Variants in MCF2L observed in about 807,000 individuals in gnomAD.
The protein encoded by MCF2L is MCF.2 cell line derived transforming sequence like, also known as guanine nucleotide exchange factor DBS.
A neutral mutation model predicts 153.4 loss-of-function variants in MCF2L; 97 were observed. That is an observed-to-expected ratio of 0.63 (90% confidence interval 0.54 to 0.75). MCF2L has a LOEUF of 0.75. MCF2L is among the 30% of genes least tolerant of loss of function. The pLI, the probability that MCF2L is intolerant of heterozygous loss-of-function variation, is 0.00. For synonymous variants in MCF2L, 659 were observed against 632.2 expected (o/e 1.04, Z -0.64); for missense variants, 1,347 against 1,495.2 (o/e 0.90, Z 1.64).
chr13:113,017,746 C>T (rs983719640), intron 2 of MCF2L, among the ~76,000 whole-genome samples: 2 of 152,186 alleles, frequency 1.3e-5, no homozygotes, highest in Admixed American at 1.3e-4. Context: ...CACTGACCAC[C>T]ATGGGGCTGG....
At chr13:112,979,426 G>A (rs890412865) in intron 1 of MCF2L, 8 of 1,397,990 alleles carry the variant, frequency 5.7e-6, no homozygotes, top group African/African-American at 1.5e-5. Context: ...GCTCTGGGAG[G>A]CCGGGCACTC....
rs1190261544 is a variant in MCF2L at position 113,053,704 on chromosome 13, G to T, written c.370-6889G>T. ...TGCCACAGGGCTGTGTTTTCAAGGGGAGCAGCAGGTGCCTGGCGTCTGCAT... is the reference window on the plus strand; with the variant it reads ...TGCCACAGGGCTGTGTTTTCAAGGGTAGCAGCAGGTGCCTGGCGTCTGCAT... On this transcript the variant is annotated intron_variant, in intron 4 of 29. Transcript: ENST00000535094. This position sits in a 1 kb window ranked among gnomAD's most constrained non-coding sequence, Gnocchi z 4.4. 6.6e-6 allele frequency among the ~76,000 whole-genome samples: 1 copy of T among 152,182 alleles called. No individual in the cohort carries two copies. Among genetic ancestry groups the T allele is most frequent in the East Asian group, 1.9e-4 (1 of 5,192 alleles).
intron 1 of MCF2L, among the ~76,000 whole-genome samples, chr13:112,978,724 A>G (rs1001714321): frequency 2.0e-4 from 30 of 152,352 alleles, no homozygotes; most frequent in African/African-American, 7.0e-4. Context: ...CAGCTCACAG[A>G]AGGGCACATG....
chr13:113,020,939 G>A (rs1399024490), intron 2 of MCF2L, among the ~76,000 whole-genome samples: 1 of 152,000 alleles, frequency 6.6e-6, no homozygotes, highest in Admixed American at 6.6e-5. Context: ...GTATGCATGT[G>A]CATGTGTAGC....
At chr13:112,982,535 G>A (rs757748969) in intron 1 of MCF2L, among the ~76,000 whole-genome samples, 2 of 152,262 alleles carry the variant, frequency 1.3e-5, no homozygotes, top group African/African-American at 4.8e-5. Context: ...GGGGAGTCTG[G>A]GGGGCCTCCT....
In MCF2L at chr13:112,896,461, C is replaced by CCCCCA. The variant is rs551332804; in HGVS notation, c.-5+2033_-5+2034insCACCC. Among the ~76,000 whole-genome samples the CCCCCA allele has an allele frequency of 4.8e-3, 728 of 152,256 alleles. 4 individuals are homozygous for CCCCCA. Among genetic ancestry groups the CCCCCA allele is most frequent in the East Asian group, 9.6e-3 (50 of 5,184 alleles). The stretch of plus-strand genomic sequence containing the variant: ...CCAGGTCACTTCAGAAGAGAGGCCC[C>CCCCCA]CCCTGTCTTTACAGCCATGTAATTT... On this transcript the variant is annotated intron_variant, in intron 1 of 29. Coordinates refer to the MCF2L transcript ENST00000375608.
chr13:113,083,132 C>T (rs1304717901), intron 17 of MCF2L, among the ~76,000 whole-genome samples: 2 of 152,158 alleles, frequency 1.3e-5, no homozygotes, highest in African/African-American at 4.8e-5. Flanking sequence ...TTGGGGAGCT[C>T]ATGGGAAGGT....
Position 112,951,903 on chromosome 13 carries a change from C to T in MCF2L, c.169+49532C>T, listed in dbSNP as rs1335146128. Among the ~76,000 whole-genome samples the T allele has an allele frequency of 5.9e-5, 9 of 152,200 alleles. No individual in the cohort carries two copies. Among genetic ancestry groups the T allele is most frequent in the Admixed American group, 5.9e-4 (9 of 15,290 alleles). ...AGAAAAATCAGTTCACACCTATTCA[C>T]TCTCTGTCAACAAACCCACATACAC... is the stretch of plus-strand genomic sequence containing the variant. On this transcript the variant is annotated intron_variant, in intron 2 of 29. Coordinates refer to the MCF2L transcript ENST00000375608. This position sits in a 1 kb window ranked among gnomAD's most constrained non-coding sequence, Gnocchi z 4.8.
intron 1 of MCF2L, among the ~76,000 whole-genome samples, chr13:112,899,365 G>A (rs1461715884): frequency 2.0e-5 from 3 of 152,234 alleles, no homozygotes; most frequent in African/African-American, 7.2e-5. Context: ...TCCAAGGGTG[G>A]CGGCGCCTGT....
At chr13:113,065,137 A>G in intron 7 of MCF2L, 52 bp downstream of exon 7, 1 of 1,586,044 alleles carries the variant, frequency 6.3e-7, no homozygotes, top group Non-Finnish European at 8.6e-7. Context: ...GGTCAGTCAG[A>G]AGCTGCGCGG....
intron 1 of MCF2L, among the ~76,000 whole-genome samples, chr13:113,012,166 C>T (rs1430572860): frequency 1.6e-4 from 14 of 85,932 alleles, no homozygotes; most frequent in African/African-American, 1.7e-4. Context: ...GTGATGCGGA[C>T]GGTGGACAGG....
chr13:113,058,393 G>A (rs534291056), intron 4 of MCF2L, among the ~76,000 whole-genome samples: 2 of 149,942 alleles, frequency 1.3e-5, no homozygotes, highest in East Asian at 2.0e-4. Flanking sequence ...TGAGTGTTTT[G>A]GTGCTGAGTA....
chr13:113,019,095 G>A (rs959882468), intron 2 of MCF2L, among the ~76,000 whole-genome samples: 8 of 152,114 alleles, frequency 5.3e-5, no homozygotes, highest in Admixed American at 2.6e-4. Context: ...CCAAGCGCTC[G>A]CTGCACAAGC....
intron 2 of MCF2L, among the ~76,000 whole-genome samples, chr13:112,963,049 G>A (rs1336006040): frequency 1.3e-5 from 2 of 152,208 alleles, no homozygotes; most frequent in Non-Finnish European, 2.9e-5. Flanking sequence ...GCTCTGGGAG[G>A]TGGACGAAGG....
chr13:113,013,194 A>G (rs555816483), intron 1 of MCF2L, among the ~76,000 whole-genome samples: 1 of 152,308 alleles, frequency 6.6e-6, no homozygotes, highest in East Asian at 1.9e-4. Flanking sequence ...AGTGGAAGTC[A>G]CCTTGCCAGG....
chr13:113,030,001 C>G (rs2085547823), intron 3 of MCF2L, among the ~76,000 whole-genome samples: 1 of 152,224 alleles, frequency 6.6e-6, no homozygotes, highest in Non-Finnish European at 1.5e-5. Flanking sequence ...CTAATTTTAA[C>G]TTTCCTTCTG....
intron 15 of MCF2L, among the ~76,000 whole-genome samples, 187 bp downstream of exon 15, chr13:113,078,926 C>T (rs1488632639): frequency 1.3e-5 from 2 of 152,250 alleles, no homozygotes; most frequent in East Asian, 3.9e-4. Flanking sequence ...TCCTGGTCCC[C>T]ACCGCGTGAA....
At chr13:112,997,513 G>T (rs954151446) in intron 1 of MCF2L, among the ~76,000 whole-genome samples, 6 of 152,224 alleles carry the variant, frequency 3.9e-5, no homozygotes, top group African/African-American at 1.4e-4. Context: ...CAGCCACCTG[G>T]TGAGCCGCGC....
At chr13:112,936,951 T>G (rs1315234768) in intron 2 of MCF2L, among the ~76,000 whole-genome samples, 2 of 152,230 alleles carry the variant, frequency 1.3e-5, no homozygotes, top group East Asian at 3.8e-4. Flanking sequence ...ACAGAATATT[T>G]CAATGTGCAG....
Sources: gnomAD v4.1 joint callset for allele counts (sites outside exome capture counted in the v4.1 genomes callset) on GRCh38, gnomAD v4.1.1 for gene constraint, Gnocchi (gnomAD v3.1) non-coding constraint, MANE v1.5 for transcripts, NCBI Gene and HGNC (gene_info 2026-07-23, HGNC 2026-07-21) for gene names.